The following ARHGAP29 variants were observed in gnomAD, a reference collection of about 807,000 sequenced individuals.
The protein encoded by ARHGAP29 is Rho GTPase activating protein 29.
Under a neutral mutation model 122.6 loss-of-function variants are expected in ARHGAP29, and 43 were observed. The ratio of observed to expected loss-of-function variants is 0.35; its 90% CI spans 0.27 to 0.45. ARHGAP29 has a LOEUF of 0.45. Among genes scored for constraint, ARHGAP29 ranks in the 20% least tolerant of loss-of-function variants. The pLI is 1.00. For synonymous variants in ARHGAP29, 506 were observed against 497.1 expected (o/e 1.02, Z -0.24); for missense variants, 1,303 against 1,477.2 (o/e 0.88, Z 1.93).
At chr1:94,211,128 T>C in intron 3 of ARHGAP29, among the ~76,000 whole-genome samples, 2 of 149,844 alleles carry the variant, frequency 1.3e-5, no homozygotes, top group East Asian at 3.9e-4. Context: ...CTACTAAAAA[T>C]ACAAAAAATT....
At chr1:94,273,611 T>A (rs1655076778) in intron 1 of ARHGAP29, among the ~76,000 whole-genome samples, 1 of 152,248 alleles carries the variant, frequency 6.6e-6, no homozygotes, top group Admixed American at 6.5e-5. Context: ...AATTAGGGGA[T>A]AAATGTATAA....
At chr1:94,236,450 C>A (rs1240563862) in intron 1 of ARHGAP29, among the ~76,000 whole-genome samples, 2 of 151,994 alleles carry the variant, frequency 1.3e-5, no homozygotes, top group Non-Finnish European at 2.9e-5. Flanking sequence ...ACGGTGGTAA[C>A]GACGGACAAA....
In ARHGAP29 at chr1:94,170,905, T is replaced by G. The variant is rs1375758858; in HGVS notation, c.*2964A>C. On this transcript the variant is annotated 3_prime_UTR_variant, in exon 23 of 23. Coordinates refer to ENST00000260526, the MANE Select transcript of ARHGAP29 (RefSeq NM_004815.4). Reference sequence around the variant, plus strand: ...AAGAGATCTTTCTAAAAACTTCCATTTCTGTTAGTTGCTGATATCTAGGAA... The same window carrying G: ...AAGAGATCTTTCTAAAAACTTCCATGTCTGTTAGTTGCTGATATCTAGGAA... Among the ~76,000 whole-genome samples the G allele has an allele frequency of 1.3e-5, 2 of 152,184 alleles. No homozygotes were observed. The highest frequency in any genetic ancestry group is 1.5e-5 in the Non-Finnish European group (1 of 68,028).
In ARHGAP29 at chr1:94,205,194, A is replaced by G; in HGVS notation, c.564T>C (p.Asn188=). The G allele has an allele frequency of 6.3e-7, 1 of 1,576,438 alleles. No homozygotes were observed. Among genetic ancestry groups the G allele is most frequent in the African/African-American group, 1.4e-5 (1 of 72,674 alleles). Residue 188 remains asparagine (N), a synonymous_variant, in exon 7 of 23, where the codon AAT becomes AAC. Transcript: ENST00000260526. ...ESVDSSSEKG[N]FSPLELDNVL... ...CGTTGTCTAGTTCTAAAGGGGAAAAATTTCCTGAAAACAAAAATATCAAGG... is the reference window on the plus strand; with the variant it reads ...CGTTGTCTAGTTCTAAAGGGGAAAAGTTTCCTGAAAACAAAAATATCAAGG...
the ARHGAP29 span, among the ~76,000 whole-genome samples, chr1:94,293,740 C>G: frequency 6.6e-6 from 1 of 152,166 alleles, no homozygotes; most frequent in African/African-American, 2.4e-5. Flanking sequence ...GGAAAGGGTG[C>G]ACAACTTCCA....
the ARHGAP29 span, among the ~76,000 whole-genome samples, chr1:94,305,157 G>A: frequency 4.6e-5 from 7 of 152,314 alleles, no homozygotes; most frequent in East Asian, 1.4e-3. Context: ...TCTAAATAAT[G>A]CTGTCCCTCA....
At chr1:94,187,343 C>G (rs933147028) in intron 15 of ARHGAP29, among the ~76,000 whole-genome samples, 2 of 152,172 alleles carry the variant, frequency 1.3e-5, no homozygotes, top group Non-Finnish European at 2.9e-5. Flanking sequence ...AAAGAACATC[C>G]TCTTCACCAA....
chr1:94,230,373 T>C (rs914371089), intron 2 of ARHGAP29, among the ~76,000 whole-genome samples: 1 of 151,782 alleles, frequency 6.6e-6, no homozygotes, highest in Non-Finnish European at 1.5e-5. Flanking sequence ...ACTTTTCTAA[T>C]ATGTATACAT....
chr1:94,240,453 C>T (rs375695912), upstream of ARHGAP29, among the ~76,000 whole-genome samples: 16 of 152,244 alleles, frequency 1.1e-4, no homozygotes, highest in African/African-American at 3.9e-4. Context: ...ATTTATCACA[C>T]AAATACACTT....
chr1:94,193,384 T>C (rs548425787), intron 12 of ARHGAP29: 19 of 146,682 alleles, frequency 1.3e-4, no homozygotes, highest in Non-Finnish European at 2.7e-4. Flanking sequence ...AAAAAAAAAA[T>C]TGAAGAAACA....
At chr1:94,211,236 G>GAAATCATACCACTGCACTCCA (rs1651581990) in intron 3 of ARHGAP29, among the ~76,000 whole-genome samples, 1 of 114,774 alleles carries the variant, frequency 8.7e-6, no homozygotes, top group African/African-American at 3.3e-5. Context: ...GCAGTAAGCT[G>GAAATCATACCACTGCACTCCA]AAATCATACC....
intron 2 of ARHGAP29, among the ~76,000 whole-genome samples, chr1:94,224,908 G>A (rs17395574): frequency 0.013 from 1,981 of 152,190 alleles, 17 homozygotes; most frequent in South Asian, 0.024. Flanking sequence ...ATTTTCGTAA[G>A]AAGTTTCAGA....
At chr1:94,273,716 G>T (rs1217226418) in intron 1 of ARHGAP29, among the ~76,000 whole-genome samples, 1 of 152,070 alleles carries the variant, frequency 6.6e-6, no homozygotes, top group Admixed American at 6.6e-5. Flanking sequence ...GAAAGATCTT[G>T]CCTTGGATTT....
At chr1:94,295,806 T>C in the ARHGAP29 span, among the ~76,000 whole-genome samples, 1 of 13,918 alleles carries the variant, frequency 7.2e-5, no homozygotes, top group Non-Finnish European at 2.2e-4. Context: ...CATTGGGGTA[T>C]TTGAGGTAGG....
At position 94,174,606 on chromosome 1, in the gene ARHGAP29, G is replaced by T; in HGVS notation, c.3049C>A (p.Pro1017Thr). The T allele has an allele frequency of 6.2e-7, 1 of 1,614,094 alleles. No individual in the cohort carries two copies. The highest frequency in any genetic ancestry group is 8.5e-7 in the Non-Finnish European group (1 of 1,180,036). The change falls in exon 23 of 23, where the codon CCT (proline) becomes ACT (threonine). Residue 1017 changes from proline to threonine, a missense_variant. Physicochemically the swap from Pro to Thr is conservative, Grantham distance 38 (BLOSUM62 -1). Transcript: ENST00000260526. ...ERHTPRTKIR[P>T]VSLPVDRLLL... ...AGTCTATCTACAGGCAAACTTACAG[G>T]TCTAATCTTGGTCCTTGGAGTATGC...
In ARHGAP29 at chr1:94,257,550, T is replaced by TA. The variant is rs926895456; in HGVS notation, c.-33+17461dup. On this transcript the variant is annotated intron_variant and NMD_transcript_variant, in intron 1 of 25. Transcript: ENST00000552844. ...CAGGGAGACCCTGTCTCTACAAAAG[T>TA]AAAAAAAAAATTAACTGAGCATAGT... 1.4e-3 allele frequency among the ~76,000 whole-genome samples: 204 copies of TA among 149,516 alleles called. 3 individuals are homozygous for TA. The highest frequency in any genetic ancestry group is 2.5e-3 in the Admixed American group (38 of 14,992).
At chr1:94,264,100 C>T (rs949440522) in intron 1 of ARHGAP29, among the ~76,000 whole-genome samples, 3 of 152,094 alleles carry the variant, frequency 2.0e-5, no homozygotes, top group Non-Finnish European at 4.4e-5. Flanking sequence ...GTACGTAATG[C>T]CAAATTGATC....
At chr1:94,177,584 C>T (rs1649171915) in intron 22 of ARHGAP29, 28 bp downstream of exon 22, 1 of 1,549,616 alleles carries the variant, frequency 6.5e-7, no homozygotes, top group African/African-American at 1.4e-5. Flanking sequence ...AGCCAGCAAA[C>T]ATATTTTTTT....
At chr1:94,206,865 G>A (rs974489290) in intron 5 of ARHGAP29, among the ~76,000 whole-genome samples, 1 of 138,192 alleles carries the variant, frequency 7.2e-6, no homozygotes, top group African/African-American at 2.6e-5. Flanking sequence ...CACTGCACCA[G>A]CCCAGGTGAA....
Sources: gnomAD v4.1 joint callset for allele counts (sites outside exome capture counted in the v4.1 genomes callset) on GRCh38, gnomAD v4.1.1 for gene constraint, MANE v1.5 for transcripts, NCBI Gene and HGNC (gene_info 2026-07-23, HGNC 2026-07-21) for gene names.